The following ARHGAP45 variants were observed in gnomAD, a reference collection of about 807,000 sequenced individuals.
The protein encoded by ARHGAP45 is Rho GTPase activating protein 45, also known as rho GTPase-activating protein 45.
A neutral mutation model predicts 116.1 loss-of-function variants in ARHGAP45; 56 were observed. The ratio of observed to expected loss-of-function variants is 0.48; its 90% CI spans 0.39 to 0.60. ARHGAP45 has a LOEUF of 0.60. Among genes scored for constraint, ARHGAP45 ranks in the 20% least tolerant of loss-of-function variants. The probability of loss-of-function intolerance (pLI) is 0.00; values close to 1 mark genes in which losing one functional copy is unlikely to be tolerated. For missense variants in ARHGAP45, 1,622 were observed against 1,601.0 expected (o/e 1.01, Z -0.22); for synonymous variants, 866 against 701.7 (o/e 1.23, Z -3.70).
chr19:1,084,394 C>T, intron 22 of ARHGAP45, 48 bp downstream of exon 22: 1 of 1,441,664 alleles, frequency 6.9e-7, no homozygotes. Context: ...TGGCGTGTGC[C>T]ACCCATGGGC....
In ARHGAP45 at chr19:1,083,320, CGAG is replaced by C; in HGVS notation, c.2929_2931del (p.Glu977del). 2 of 1,562,948 alleles carry C rather than the reference CGAG, an allele frequency of 1.3e-6. No homozygotes were observed. The highest frequency in any genetic ancestry group is 1.7e-6 in the Non-Finnish European group (2 of 1,154,628). ...TCATCGTCCACTACGGCCTGGTCTT[CGAG>C]GAGGAGCCGGAGGAGACCCCCGGGG... On this transcript the variant is annotated inframe_deletion, in exon 21 of 23. Coordinates refer to ENST00000313093, the MANE Select transcript of ARHGAP45 (RefSeq NM_012292.5).
rs138944069 is a variant in ARHGAP45 at position 1,080,929 on chromosome 19, C to T, written c.2055C>T (p.Ala685=). The T allele has an allele frequency of 2.7e-5, 44 of 1,609,368 alleles. No individual in the cohort carries two copies. The African/African-American group carries it at 3.6e-4, about 13-fold the overall frequency. ...LNGMTPELPV[A]VPSGPFRHEG... is the part of the protein sequence containing the mutation. ...GCATGACCCCCGAGCTGCCGGTGGC[C>T]GTGCCCAGTGGACCGTTCCGCCACG... Residue 685 remains alanine (A), a synonymous_variant, in exon 17 of 23, where the codon GCC becomes GCT. Transcript: ENST00000313093.
In ARHGAP45 at chr19:1,074,882, G is replaced by A. The variant is rs1038299100; in HGVS notation, c.1185+3G>A. On this transcript the variant is annotated splice_donor_region_variant and intron_variant, in intron 10 of 22. Transcript: ENST00000313093. ...GGCACCGTGCCCAGAGGAAGCTGGTGAGGCGGGCGGGCGGGGGCGGGCGGG... is the reference window on the plus strand; with the variant it reads ...GGCACCGTGCCCAGAGGAAGCTGGTAAGGCGGGCGGGCGGGGGCGGGCGGG... 9 of 1,521,032 alleles carry A rather than the reference G, an allele frequency of 5.9e-6. No homozygotes were observed. The highest frequency in any genetic ancestry group is 8.0e-6 in the Non-Finnish European group (9 of 1,130,570). 94.2% of individuals were successfully genotyped at this position (1,521,032 alleles called of 1,614,324 possible).
Position 1,082,905 on chromosome 19 carries a change from G to A in ARHGAP45, c.2583G>A (p.Leu861=). The A allele has an allele frequency of 6.3e-7, 1 of 1,595,322 alleles. No homozygotes were observed. The stretch of plus-strand genomic sequence containing the variant: ...TCGTAGGGCTGGCCAAGGACAGCCT[G>A]AAGGCAGAGGCCGAGGCCAAGGCGG... ...HELVGLAKDS[L]KAEAEAKAAS... is the part of the protein sequence containing the mutation. The change falls in exon 20 of 23, where the codon CTG becomes CTA. Residue 861 remains leucine, a synonymous_variant. Transcript: ENST00000313093.
rs1377069299 is a variant in ARHGAP45, at chr19:1,079,929, C to T, written c.1514C>T (p.Ala505Val). 1.9e-6 allele frequency: 3 copies of T among 1,605,718 alleles called. No individual in the cohort carries two copies. Among genetic ancestry groups the T allele is most frequent in the Non-Finnish European group, 2.6e-6 (3 of 1,174,184 alleles). Residue 505 changes from alanine (A) to valine (V), a missense_variant and splice_region_variant, in exon 13 of 23, where the codon GCC becomes GTC. Physicochemically the swap from Ala to Val is moderately conservative, Grantham distance 64. Transcript: ENST00000313093. ...IRQSDQTIKS[A>V]TISYYQMMHM... ...TCCGCTCTCCGGTGCCGCCCGCAGG[C>T]CACGATCTCCTACTACCAGATGATG...
chr19:1,086,118 G>C lies in ARHGAP45; in HGVS notation c.*112G>C. The C allele has an allele frequency of 1.0e-6, 1 of 1,004,410 alleles. No individual in the cohort carries two copies. The highest frequency in any genetic ancestry group is 1.6e-5 in the African/African-American group (1 of 61,452). 62.2% of individuals were successfully genotyped at this position (1,004,410 alleles called of 1,614,324 possible). A position where few individuals can be genotyped will look rare whatever the true frequency, so the allele number is the denominator to read the frequency against. On this transcript the variant is annotated 3_prime_UTR_variant, in exon 23 of 23. Transcript: ENST00000313093. The stretch of plus-strand genomic sequence containing the variant: ...GGTGCGCCGTCCTGGGGTCGCTGCC[G>C]AGAGCGCCTGGACTTCGACGTCCCA...
In ARHGAP45 at chr19:1,086,328, T is replaced by G; in HGVS notation, c.*322T>G. 3.4e-6 allele frequency: 1 copy of G among 290,366 alleles called. No individual in the cohort carries two copies. The highest frequency in any genetic ancestry group is 6.6e-6 in the Non-Finnish European group (1 of 151,568). 18.0% of individuals were successfully genotyped at this position (290,366 alleles called of 1,614,324 possible). A position where few individuals can be genotyped will look rare whatever the true frequency, so the allele number is the denominator to read the frequency against. On this transcript the variant is annotated 3_prime_UTR_variant, in exon 23 of 23. Coordinates refer to ENST00000313093, the MANE Select transcript of ARHGAP45 (RefSeq NM_012292.5). The stretch of plus-strand genomic sequence containing the variant: ...GATGGAGGAAGCTGTCCCTGCCCAG[T>G]GCATCCCCCAGGTCATCACGGGGAC...
chr19:1,067,656 C>A, intron 1 of ARHGAP45, 161 bp downstream of exon 1: 1 of 752,958 alleles, frequency 1.3e-6, no homozygotes, highest in Non-Finnish European at 2.3e-6. Context: ...GAGGCCGGGA[C>A]CCCGGCATTC....
chr19:1,081,735 C>G lies in ARHGAP45; in HGVS notation c.2376C>G (p.Thr792=). ...VCEIERRALR[T]KGIYRVNGVK... ...AGATCGAGCGGCGGGCGCTGCGCACCAAGGTGAGGCGGGGGAGGAAGCGGC... is the reference window on the plus strand; with the variant it reads ...AGATCGAGCGGCGGGCGCTGCGCACGAAGGTGAGGCGGGGGAGGAAGCGGC... Residue 792 remains threonine, a synonymous_variant, in exon 18 of 23, where the codon ACC becomes ACG. Transcript: ENST00000313093. 6.4e-7 allele frequency: 1 copy of G among 1,565,912 alleles called. No homozygotes were observed. The highest frequency in any genetic ancestry group is 8.7e-7 in the Non-Finnish European group (1 of 1,154,766).
Position 1,077,873 on chromosome 19 carries a change from A to G in ARHGAP45, c.1202A>G (p.Asn401Ser), listed in dbSNP as rs1398792993. 9 of 1,553,640 alleles carry G rather than the reference A, an allele frequency of 5.8e-6. No individual in the cohort carries two copies. The highest frequency in any genetic ancestry group is 7.8e-6 in the Non-Finnish European group (9 of 1,148,378). The change falls in exon 11 of 23, where the codon AAC becomes AGC. Residue 401 changes from asparagine to serine, a missense_variant. This residue lies in a region of ARHGAP45 where 1,334 missense variants were observed against 1,263.8 expected (regional missense o/e 1.06). Coordinates refer to ENST00000313093, the MANE Select transcript of ARHGAP45 (RefSeq NM_012292.5). ...CACCCACAGCAAGAGGCGGAGTCCA[A>G]CCTGCGCAAGGCCAAGCAGGGTTAC... Reference protein sequence around the residue: ...AQRKLQEAESNLRKAKQGYVQ... With the variant: ...AQRKLQEAESSLRKAKQGYVQ...
Position 1,080,860 on chromosome 19 carries a change from T to C in ARHGAP45, c.2018-32T>C, listed in dbSNP as rs780866377. On this transcript the variant is annotated intron_variant, in intron 16 of 22. Coordinates refer to ENST00000313093, the MANE Select transcript of ARHGAP45 (RefSeq NM_012292.5). ...TCCATGGGCCTGGCCCTGAGCTGCC[T>C]TGGTGACACCGGCTGCCTGTGCTGC... The C allele has an allele frequency of 3.0e-5, 48 of 1,606,058 alleles. No individual in the cohort carries two copies. In the Middle Eastern group the frequency reaches 8.3e-4, roughly 28 times the overall value.
At chr19:1,072,033 T>C (rs1231911934) in intron 2 of ARHGAP45, among the ~76,000 whole-genome samples, 1 of 150,204 alleles carries the variant, frequency 6.7e-6, no homozygotes, top group African/African-American at 2.4e-5. Context: ...TTTCCTTCTT[T>C]TCTTTTCTTT....
intron 19 of ARHGAP45, 193 bp from the exon 20 acceptor site, chr19:1,082,647 G>A: frequency 3.5e-6 from 2 of 563,508 alleles, no homozygotes; most frequent in Non-Finnish European, 6.2e-6. Context: ...GGAGCTGCGG[G>A]CGTGGCCCGG....
At chr19:1,079,575 G>A in intron 11 of ARHGAP45, 128 bp from the exon 12 acceptor site, 1 of 1,169,294 alleles carries the variant, frequency 8.6e-7, no homozygotes, top group Non-Finnish European at 1.2e-6. Context: ...CTGGCCTCAA[G>A]CAAGTCTCCC....
intron 10 of ARHGAP45, chr19:1,076,985 T>C: frequency 1.0e-6 from 1 of 978,478 alleles, no homozygotes; most frequent in Non-Finnish European, 1.2e-6. Context: ...TGCCTCGGCC[T>C]CCCAAAGCAC....
chr19:1,073,649 G>T (rs552552440), intron 4 of ARHGAP45, 25 bp from the exon 5 acceptor site: 4 of 1,610,288 alleles, frequency 2.5e-6, no homozygotes, highest in Admixed American at 1.7e-5. Flanking sequence ...GGTGTCTCTC[G>T]ATGGTGACCT....
In ARHGAP45 at chr19:1,086,610, T is replaced by TAA. The variant is rs759776995; in HGVS notation, c.*608_*609dup. The stretch of plus-strand genomic sequence containing the variant: ...CACAGGCACGTTTATTTTGCTGAAA[T>TAA]AAAAAGTTTTTAATCGGGTGTTTTC... On this transcript the variant is annotated 3_prime_UTR_variant, in exon 23 of 23. Transcript: ENST00000313093. 1.3e-5 allele frequency: 2 copies of TAA among 151,830 alleles called. No homozygotes were observed. Among genetic ancestry groups the TAA allele is most frequent in the Non-Finnish European group, 3.0e-5 (2 of 67,668 alleles). The allele number at this position is 151,830 out of a possible 1,614,324, so 9.4% of individuals were successfully genotyped here.
upstream of ARHGAP45, chr19:1,066,403 C>G: frequency 1.8e-6 from 1 of 551,878 alleles, no homozygotes. Flanking sequence ...CCAGCACGTC[C>G]GGTGGTCCAG....
In ARHGAP45 at chr19:1,085,934, G is replaced by T. The variant is rs764907474; in HGVS notation, c.3339G>T (p.Leu1113=). The change falls in exon 23 of 23, where the codon CTG becomes CTT. Residue 1113 remains leucine, a synonymous_variant. Transcript: ENST00000313093. ...CCAACAACGTGCTGCAGGCCCCACT[G>T]CCCCCCATGAGGCTCCGTGGCGGGC... The part of the protein sequence containing the change: ...NQSNNVLQAP[L]PPMRLRGGRM... 6.2e-7 allele frequency: 1 copy of T among 1,612,938 alleles called. No individual in the cohort carries two copies. The highest frequency in any genetic ancestry group is 1.3e-5 in the African/African-American group (1 of 75,004).
Sources: gnomAD v4.1 joint callset for allele counts (sites outside exome capture counted in the v4.1 genomes callset) on GRCh38, gnomAD v4.1.1 for gene constraint, gnomAD v4.1.1 regional missense constraint, MANE v1.5 for transcripts, NCBI Gene and HGNC (gene_info 2026-07-23, HGNC 2026-07-21) for gene names.